The following RGS12 variants were observed in gnomAD, a reference collection of about 807,000 sequenced individuals.
RGS12 encodes regulator of G-protein signaling 12.
RGS12 carries 66 observed loss-of-function variants against 120.1 expected under a neutral mutation model. The observed-to-expected ratio is 0.55, with a 90% CI of 0.45 to 0.67. The LOEUF (loss-of-function observed/expected upper bound fraction) is 0.67, where lower values mean the gene tolerates loss of function less well. Ranked by LOEUF, RGS12 falls within the 30% of genes least tolerant of loss-of-function variation. RGS12 has a pLI of 0.00. For missense variants in RGS12, 1,859 were observed against 1,957.7 expected (o/e 0.95, Z 0.95); for synonymous variants, 827 against 804.7 (o/e 1.03, Z -0.47).
At chr4:3,399,879 T>TAGCCTGGC (rs1720406486) in intron 4 of RGS12, among the ~76,000 whole-genome samples, 1 of 152,230 alleles carries the variant, frequency 6.6e-6, no homozygotes, top group South Asian at 2.1e-4. Flanking sequence ...TCTAAGTGTT[T>TAGCCTGGC]TCCTCCAGGA....
At chr4:3,341,841 C>T (rs1399933847) in intron 2 of RGS12, among the ~76,000 whole-genome samples, 11 of 76,404 alleles carry the variant, frequency 1.4e-4, no homozygotes, top group Admixed American at 4.7e-4. Flanking sequence ...GAGGTGTGGG[C>T]GGAGGGTAGG....
intron 3 of RGS12, among the ~76,000 whole-genome samples, chr4:3,363,419 G>T (rs1715931058): frequency 1.3e-5 from 2 of 152,058 alleles, no homozygotes; most frequent in Admixed American, 1.3e-4. Flanking sequence ...CGTTCGTTTT[G>T]GGCTCCAGCC....
intron 3 of RGS12, among the ~76,000 whole-genome samples, chr4:3,360,407 G>T: frequency 6.6e-6 from 1 of 151,366 alleles, no homozygotes; most frequent in South Asian, 2.1e-4. Flanking sequence ...TTCTAGCTTT[G>T]GGTTTCGTTT....
At chr4:3,351,207 T>TAA (rs529954288) in intron 3 of RGS12, among the ~76,000 whole-genome samples, 47 of 151,404 alleles carry the variant, frequency 3.1e-4, no homozygotes, top group Admixed American at 3.0e-3. Flanking sequence ...TAAATTGTAT[T>TAA]AAAAAAAAAC....
chr4:3,347,247 A>G (rs1713885914), intron 3 of RGS12, among the ~76,000 whole-genome samples: 1 of 152,186 alleles, frequency 6.6e-6, no homozygotes, highest in Non-Finnish European at 1.5e-5. Flanking sequence ...GATCGAGACC[A>G]TCCTGGCTAA....
intron 4 of RGS12, among the ~76,000 whole-genome samples, chr4:3,406,220 G>C (rs1312988376): frequency 6.6e-6 from 1 of 152,272 alleles, no homozygotes; most frequent in Non-Finnish European, 1.5e-5. Flanking sequence ...GGCGGGCTCA[G>C]AGCCTGCACC....
At chr4:3,391,351 A>G (rs1296234844) in intron 4 of RGS12, among the ~76,000 whole-genome samples, 1 of 152,230 alleles carries the variant, frequency 6.6e-6, no homozygotes. Context: ...ATATTTGGAG[A>G]GTTTTTATTA....
At chr4:3,395,753 T>C (rs1273570136) in intron 4 of RGS12, among the ~76,000 whole-genome samples, 1 of 152,228 alleles carries the variant, frequency 6.6e-6, no homozygotes, top group African/African-American at 2.4e-5. Flanking sequence ...TTTGCTTATT[T>C]TTCTGTTAGG....
rs186552583 is a variant in RGS12 at position 3,439,552 on chromosome 4, G to A, written c.4212G>A (p.Ala1404=). 5.7e-5 allele frequency: 92 copies of A among 1,612,266 alleles called. No homozygotes were observed. Among genetic ancestry groups the A allele is most frequent in the Middle Eastern group, 4.9e-4 (3 of 6,076 alleles). ...GSAPGRDGGI[A]GAQAGPGRSQ... is the part of the protein sequence containing the mutation. ...CGCCCGGGCGGGATGGTGGCATAGC[G>A]GGGGCACAGGCTGGCCCTGGGAGGT... The change falls in exon 18 of 18, where the codon GCG becomes GCA. Residue 1404 remains alanine, a synonymous_variant. Transcript: ENST00000336727.
intron 17 of RGS12, among the ~76,000 whole-genome samples, chr4:3,436,578 C>T (rs1724826078): frequency 6.6e-6 from 1 of 152,198 alleles, no homozygotes; most frequent in South Asian, 2.1e-4. Context: ...CATGCCCCTG[C>T]CCCGGCCAGG....
At chr4:3,304,450 T>G (rs1264992601) in intron 1 of RGS12, among the ~76,000 whole-genome samples, 2 of 152,198 alleles carry the variant, frequency 1.3e-5, no homozygotes, top group Non-Finnish European at 2.9e-5. Flanking sequence ...GGAGGCCGCT[T>G]TCTCCCGGGA....
intron 4 of RGS12, among the ~76,000 whole-genome samples, chr4:3,407,785 C>T (rs188188417): frequency 6.6e-5 from 10 of 152,318 alleles, no homozygotes; most frequent in East Asian, 1.9e-4. Flanking sequence ...GAGATAACAA[C>T]GGGCCCGGGC....
the RGS12 span, among the ~76,000 whole-genome samples, chr4:3,287,085 A>C: frequency 2.6e-5 from 4 of 152,158 alleles, no homozygotes; most frequent in Admixed American, 2.6e-4. Flanking sequence ...GTTCTTTTAT[A>C]ATCCTCCGGG....
intron 2 of RGS12, among the ~76,000 whole-genome samples, chr4:3,329,564 C>T (rs572738986): frequency 1.0e-4 from 15 of 147,966 alleles, no homozygotes; most frequent in East Asian, 5.8e-4. Context: ...GTTACACAAA[C>T]GTCCCCTCAT....
At chr4:3,437,682 T>C (rs1205328690) in intron 17 of RGS12, among the ~76,000 whole-genome samples, 1 of 152,150 alleles carries the variant, frequency 6.6e-6, no homozygotes, top group Admixed American at 6.5e-5. Context: ...TAGTCTCAGC[T>C]GCTCCACATG....
At position 3,316,383 on chromosome 4, in the gene RGS12, C is replaced by T. The variant is rs139673399; in HGVS notation, c.213C>T (p.Asn71=). ...GDQILAVNEI[N]VKKASHEDVV... is the part of the protein sequence containing the mutation. ...AGATACTTGCTGTCAATGAAATCAA[C>T]GTGAAAAAAGCATCTCATGAAGATG... is the stretch of plus-strand genomic sequence containing the variant. Residue 71 remains asparagine (N), a synonymous_variant, in exon 2 of 18, where the codon AAC becomes AAT. Transcript: ENST00000336727. 70 of 1,613,684 alleles carry T rather than the reference C, an allele frequency of 4.3e-5. No homozygotes were observed. Among genetic ancestry groups the T allele is most frequent in the South Asian group, 8.8e-5 (8 of 91,018 alleles).
rs574105027 is a variant in RGS12, at chr4:3,373,376, C to G, written c.1999-13040C>G. Among the ~76,000 whole-genome samples, 71 of 152,300 alleles carry G rather than the reference C, an allele frequency of 4.7e-4. 2 individuals carry two copies. The highest frequency in any genetic ancestry group is 3.4e-3 in the Middle Eastern group (1 of 294). ...GGCAGTGGTGCATGGCTGATGGCCGCCGCAGGACACAAGAGGGTTTCGGGG... is the reference window on the plus strand; with the variant it reads ...GGCAGTGGTGCATGGCTGATGGCCGGCGCAGGACACAAGAGGGTTTCGGGG... On this transcript the variant is annotated intron_variant, in intron 3 of 17. Coordinates refer to ENST00000336727, the MANE Select transcript of RGS12 (RefSeq NM_001394154.1).
At chr4:3,398,467 A>AAAAC (rs1020225053) in intron 4 of RGS12, among the ~76,000 whole-genome samples, 3 of 152,360 alleles carry the variant, frequency 2.0e-5, no homozygotes, top group South Asian at 2.1e-4. Flanking sequence ...ACTCCTTCTG[A>AAAAC]AAACAAACAA....
At chr4:3,422,044 A>G (rs1210544793) in intron 10 of RGS12, among the ~76,000 whole-genome samples, 1 of 152,046 alleles carries the variant, frequency 6.6e-6, no homozygotes, top group African/African-American at 2.4e-5. Flanking sequence ...CCTGGGAGGG[A>G]GTGGTCCTCA....
Sources: gnomAD v4.1 joint callset for allele counts (sites outside exome capture counted in the v4.1 genomes callset) on GRCh38, gnomAD v4.1.1 for gene constraint, MANE v1.5 for transcripts, NCBI Gene and HGNC (gene_info 2026-07-23, HGNC 2026-07-21) for gene names.